ASPRV1: variants seen among roughly 807,000 people sequenced by gnomAD.
The protein encoded by ASPRV1 is retroviral-like aspartic protease 1.
A neutral mutation model predicts 11.0 loss-of-function variants in ASPRV1; 7 were observed. The ratio of observed to expected loss-of-function variants is 0.64; its 90% CI spans 0.36 to 1.20. The LOEUF (loss-of-function observed/expected upper bound fraction) is 1.20, where lower values mean the gene tolerates loss of function less well. ASPRV1 is among the 50% of genes most tolerant of loss of function. ASPRV1 has a pLI of 0.02. For synonymous variants in ASPRV1, 136 were observed against 138.4 expected, an observed-to-expected ratio of 0.98 and a Z score of 0.12; for missense variants, 299 against 320.0, an observed-to-expected ratio of 0.93 and a Z score of 0.50.
the ASPRV1 span, among the ~76,000 whole-genome samples, chr2:70,000,336 C>CCA: frequency 0.026 from 3,246 of 126,102 alleles, 125 homozygotes; most frequent in African/African-American, 0.075. Flanking sequence ...AAAAAAAAAA[C>CCA]CACACACACA....
At chr2:70,063,052 T>G in the ASPRV1 span, among the ~76,000 whole-genome samples, 1 of 152,104 alleles carries the variant, frequency 6.6e-6, no homozygotes, top group Admixed American at 6.6e-5. Context: ...GACTGCCCAG[T>G]CTGTGCACAT....
At chr2:69,993,829 G>T in the ASPRV1 span, 1 of 152,188 alleles carries the variant, frequency 6.6e-6, no homozygotes, top group East Asian at 1.9e-4. Context: ...TCACTTTCCT[G>T]TTATCTACAA....
At chr2:69,991,923 A>G in the ASPRV1 span, among the ~76,000 whole-genome samples, 2 of 152,166 alleles carry the variant, frequency 1.3e-5, no homozygotes, top group East Asian at 1.9e-4. Context: ...GGACTAATAA[A>G]TGGATTTGTC....
chr2:70,023,890 G>A, the ASPRV1 span, among the ~76,000 whole-genome samples: 1 of 151,700 alleles, frequency 6.6e-6, no homozygotes, highest in Non-Finnish European at 1.5e-5. Context: ...TGAAATAGAA[G>A]ACAAACAATA....
At chr2:69,955,977 G>T (rs1677928357), downstream of ASPRV1, among the ~76,000 whole-genome samples, 1 of 152,012 alleles carries the variant, frequency 6.6e-6, no homozygotes, top group South Asian at 2.1e-4. Flanking sequence ...CTGAATATCA[G>T]ACCCCACTCA....
chr2:70,069,329 G>A, the ASPRV1 span: 4 of 152,228 alleles, frequency 2.6e-5, no homozygotes, highest in African/African-American at 9.7e-5. Context: ...GATCAACAGA[G>A]CCAGGAACAG....
chr2:69,967,474 A>C, the ASPRV1 span, among the ~76,000 whole-genome samples: 1 of 152,208 alleles, frequency 6.6e-6, no homozygotes, highest in African/African-American at 2.4e-5. Flanking sequence ...TTTGTTGCTA[A>C]AGGCAAACCA....
the ASPRV1 span, chr2:70,087,320 T>C: frequency 2.6e-5 from 4 of 151,918 alleles, no homozygotes; most frequent in Non-Finnish European, 5.9e-5. Flanking sequence ...ACTACTGCAG[T>C]GTCAGAAGGT....
chr2:70,068,060 T>G, the ASPRV1 span, among the ~76,000 whole-genome samples: 1 of 152,178 alleles, frequency 6.6e-6, no homozygotes, highest in Non-Finnish European at 1.5e-5. Flanking sequence ...AAGTCCACAC[T>G]CTATCCCAAA....
the ASPRV1 span, among the ~76,000 whole-genome samples, chr2:70,001,238 T>C: frequency 6.6e-6 from 1 of 152,146 alleles, no homozygotes; most frequent in Non-Finnish European, 1.5e-5. Flanking sequence ...CAGAAGTCTT[T>C]CTGAAACTGA....
chr2:70,045,848 A>T, the ASPRV1 span: 1 of 150,122 alleles, frequency 6.7e-6, no homozygotes, highest in Admixed American at 6.6e-5. Context: ...GCTTAAACCC[A>T]GAGGCAGAGG....
the ASPRV1 span, among the ~76,000 whole-genome samples, chr2:70,037,240 GTAGA>G: frequency 1.6e-3 from 237 of 152,262 alleles, no homozygotes; most frequent in Middle Eastern, 3.4e-3. Context: ...CAATTTTGGT[GTAGA>G]TAAACACCTT....
the ASPRV1 span, among the ~76,000 whole-genome samples, chr2:70,038,356 C>T: frequency 6.6e-6 from 1 of 152,118 alleles, no homozygotes; most frequent in Non-Finnish European, 1.5e-5. Context: ...GGCAACCAGG[C>T]TGGGCAACAT....
chr2:69,941,695 G>A, the ASPRV1 span: 1 of 152,078 alleles, frequency 6.6e-6, no homozygotes, highest in Admixed American at 6.5e-5. Context: ...GCGGCCAAGA[G>A]CAAATCCTGG....
At chr2:70,086,718 G>A in the ASPRV1 span, among the ~76,000 whole-genome samples, 3 of 152,262 alleles carry the variant, frequency 2.0e-5, no homozygotes, top group Non-Finnish European at 2.9e-5. Flanking sequence ...AGGGCAGGAG[G>A]TGGGGTTTCT....
chr2:69,979,803 C>G, the ASPRV1 span, among the ~76,000 whole-genome samples: 14 of 152,324 alleles, frequency 9.2e-5, no homozygotes, highest in Admixed American at 5.2e-4. Flanking sequence ...TTCCTGCCAC[C>G]TGGGTTGGTG....
chr2:70,076,908 TAACA>T, the ASPRV1 span, among the ~76,000 whole-genome samples: 16 of 152,196 alleles, frequency 1.1e-4, no homozygotes, highest in Admixed American at 2.6e-4. Context: ...AGTTTCTAAT[TAACA>T]TATATGGCTT....
At chr2:70,075,424 T>G in the ASPRV1 span, among the ~76,000 whole-genome samples, 1 of 151,656 alleles carries the variant, frequency 6.6e-6, no homozygotes, top group African/African-American at 2.4e-5. Context: ...TACTACTTAT[T>G]AACTGTGCAA....
chr2:69,950,844 AAAAT>A, the ASPRV1 span, among the ~76,000 whole-genome samples: 8,526 of 136,926 alleles, frequency 0.062, 418 homozygotes, highest in African/African-American at 0.14. Flanking sequence ...CTCTGTCTCA[AAAAT>A]AAATAAATAA....
Sources: allele counts gnomAD v4.1 joint callset (sites outside exome capture counted in the v4.1 genomes callset), GRCh38; gene constraint gnomAD v4.1.1; transcripts MANE v1.5; gene names NCBI Gene and HGNC (gene_info 2026-07-23, HGNC 2026-07-21).